Variants in DRC11 observed in about 807,000 individuals in gnomAD.
DRC11 encodes the protein dynein regulatory complex subunit 11, also known as IQ and AAA domain-containing protein 1.
chr2:236,441,380 C>T, the DRC11 span, among the ~76,000 whole-genome samples: 1,453 of 144,968 alleles, frequency 0.01, 8 homozygotes, highest in Non-Finnish European at 0.012. Context: ...TTTTTTCCTC[C>T]TTTTTTTTTT....
chr2:236,445,171 A>G, the DRC11 span, among the ~76,000 whole-genome samples: 2 of 152,162 alleles, frequency 1.3e-5, no homozygotes, highest in Non-Finnish European at 2.9e-5. This position sits in a 1 kb window ranked among gnomAD's most constrained non-coding sequence, Gnocchi z 4.8. Flanking sequence ...AGTGTTTTTG[A>G]GGACTCAAAA....
chr2:236,423,643 C>T, the DRC11 span, among the ~76,000 whole-genome samples: 2 of 152,128 alleles, frequency 1.3e-5, no homozygotes, highest in Non-Finnish European at 2.9e-5. Context: ...GTCAGTGTGG[C>T]GATGCCTCAG....
chr2:236,431,764 T>C, the DRC11 span, among the ~76,000 whole-genome samples: 30,547 of 152,142 alleles, frequency 0.2, 3,334 homozygotes, highest in Middle Eastern at 0.28. This position sits in a 1 kb window ranked among gnomAD's most constrained non-coding sequence, Gnocchi z 4.2. Flanking sequence ...CAGTTGTGTG[T>C]TCCTTTTTAA....
chr2:236,478,033 T>G, the DRC11 span, among the ~76,000 whole-genome samples: 9 of 141,830 alleles, frequency 6.3e-5, no homozygotes, highest in African/African-American at 2.5e-4. The surrounding 1 kb of genome is among the most constrained non-coding windows in gnomAD (Gnocchi z 5.9). Context: ...GTGTGTGTGT[T>G]TTAGTCTCAA....
chr2:236,407,768 T>C, the DRC11 span: 6 of 306,682 alleles, frequency 2.0e-5, no homozygotes, highest in East Asian at 8.4e-5. Context: ...AGCCTTAGTT[T>C]TCACTCCTCA....
chr2:236,438,663 C>T, the DRC11 span, among the ~76,000 whole-genome samples: 1 of 152,050 alleles, frequency 6.6e-6, no homozygotes, highest in Non-Finnish European at 1.5e-5. Context: ...CTTCACATCC[C>T]TTGTAAGTTA....
chr2:236,450,563 C>T, the DRC11 span, among the ~76,000 whole-genome samples: 552 of 152,130 alleles, frequency 3.6e-3, 3 homozygotes, highest in African/African-American at 0.012. Flanking sequence ...CGTGACTCAC[C>T]CGCCTCAGCC....
chr2:236,360,592 G>A, the DRC11 span, among the ~76,000 whole-genome samples: 6 of 152,136 alleles, frequency 3.9e-5, no homozygotes, highest in Non-Finnish European at 7.4e-5. The surrounding 1 kb of genome is among the most constrained non-coding windows in gnomAD (Gnocchi z 5.8). Flanking sequence ...TAAGCACATG[G>A]AGGCCACAAG....
the DRC11 span, among the ~76,000 whole-genome samples, chr2:236,472,318 T>G: frequency 2.0e-5 from 3 of 151,958 alleles, no homozygotes; most frequent in African/African-American, 7.3e-5. The surrounding 1 kb of genome is among the most constrained non-coding windows in gnomAD (Gnocchi z 4.6). Context: ...CCTCCACAAT[T>G]CCCCCCTGCA....
At chr2:236,327,335 C>T in the DRC11 span, among the ~76,000 whole-genome samples, 3 of 152,110 alleles carry the variant, frequency 2.0e-5, no homozygotes, top group Non-Finnish European at 2.9e-5. Context: ...TGGCTCACTG[C>T]GACCTCTATC....
chr2:236,425,787 A>G, the DRC11 span, among the ~76,000 whole-genome samples: 1 of 151,572 alleles, frequency 6.6e-6, no homozygotes, highest in African/African-American at 2.4e-5. Flanking sequence ...CATGGCTTTC[A>G]CTCATTTTGA....
chr2:236,423,607 T>C, the DRC11 span, among the ~76,000 whole-genome samples: 1 of 152,210 alleles, frequency 6.6e-6, no homozygotes, highest in African/African-American at 2.4e-5. Context: ...TTGGTGGGAC[T>C]GTAAACTAGT....
the DRC11 span, chr2:236,338,084 G>T: frequency 2.2e-6 from 2 of 891,482 alleles, no homozygotes; most frequent in Non-Finnish European, 1.7e-6. Flanking sequence ...CACCCCACCG[G>T]GTGCAGGCTC....
At chr2:236,360,535 T>A in the DRC11 span, among the ~76,000 whole-genome samples, 1 of 152,222 alleles carries the variant, frequency 6.6e-6, no homozygotes, top group Non-Finnish European at 1.5e-5. The surrounding 1 kb of genome is among the most constrained non-coding windows in gnomAD (Gnocchi z 5.8). Context: ...GAGGAAGGGT[T>A]CATTTTACCT....
chr2:236,467,729 T>C, the DRC11 span, among the ~76,000 whole-genome samples: 1 of 152,190 alleles, frequency 6.6e-6, no homozygotes, highest in African/African-American at 2.4e-5. Flanking sequence ...AACAAGAATA[T>C]GGCAACATTC....
At chr2:236,427,537 G>A in the DRC11 span, among the ~76,000 whole-genome samples, 3 of 151,872 alleles carry the variant, frequency 2.0e-5, no homozygotes, top group African/African-American at 7.3e-5. This position sits in a 1 kb window ranked among gnomAD's most constrained non-coding sequence, Gnocchi z 5.9. Flanking sequence ...GAATTTGCTG[G>A]TATATAATTA....
chr2:236,338,428 T>C, the DRC11 span: 2 of 1,528,450 alleles, frequency 1.3e-6, no homozygotes, highest in Admixed American at 4.1e-5. Context: ...AAAAAAAGAA[T>C]GAAAAAATGA....
At chr2:236,503,642 A>G in the DRC11 span, 1 of 1,550,654 alleles carries the variant, frequency 6.4e-7, no homozygotes, top group Non-Finnish European at 8.7e-7. This position sits in a 1 kb window ranked among gnomAD's most constrained non-coding sequence, Gnocchi z 4.9. Context: ...TGTTTTCCTC[A>G]GCGCTGAGAG....
the DRC11 span, among the ~76,000 whole-genome samples, chr2:236,484,693 G>A: frequency 5.3e-5 from 8 of 152,000 alleles, no homozygotes; most frequent in East Asian, 3.9e-4. Context: ...TTAGAAAGGC[G>A]GGCAATGAAA....
Sources: gnomAD v4.1 joint callset for allele counts (sites outside exome capture counted in the v4.1 genomes callset) on GRCh38, gnomAD v4.1.1 for gene constraint, Gnocchi (gnomAD v3.1) non-coding constraint, MANE v1.5 for transcripts, NCBI Gene and HGNC (gene_info 2026-07-23, HGNC 2026-07-21) for gene names.